Variants in NTRK2 observed in about 807,000 individuals in gnomAD.
NTRK2 encodes the protein BDNF/NT-3 growth factors receptor.
Under a neutral mutation model 94.5 loss-of-function variants are expected in NTRK2, and 13 were observed. The observed-to-expected ratio is 0.14, with a 90% CI of 0.09 to 0.22. The LOEUF (loss-of-function observed/expected upper bound fraction) is 0.22, where lower values mean the gene tolerates loss of function less well. NTRK2 is among the 10% of genes least tolerant of loss of function. The probability of loss-of-function intolerance (pLI) is 1.00; values close to 1 mark genes in which losing one functional copy is unlikely to be tolerated. For synonymous variants in NTRK2, 372 were observed against 407.4 expected, an observed-to-expected ratio of 0.91 and a Z score of 1.05; for missense variants, 639 against 1,071.2, an observed-to-expected ratio of 0.60 and a Z score of 5.63.
At chr9:85,015,162 A>G (rs988104987) in intron 17 of NTRK2, among the ~76,000 whole-genome samples, 1 of 152,196 alleles carries the variant, frequency 6.6e-6, no homozygotes, top group Non-Finnish European at 1.5e-5. Flanking sequence ...TATCTTTAGA[A>G]AAATACTCCC....
At chr9:84,708,662 T>C (rs2061252903) in intron 5 of NTRK2, among the ~76,000 whole-genome samples, 1 of 152,180 alleles carries the variant, frequency 6.6e-6, no homozygotes, top group Admixed American at 6.5e-5. Flanking sequence ...CCTTTGAAGA[T>C]TAGGCAATGG....
chr9:84,902,013 G>A (rs753502835), intron 14 of NTRK2, among the ~76,000 whole-genome samples: 11 of 151,978 alleles, frequency 7.2e-5, no homozygotes, highest in Non-Finnish European at 1.3e-4. Context: ...GGCCAACATG[G>A]TGAAACCCTG....
intron 12 of NTRK2, chr9:84,813,499 T>G: frequency 9.4e-7 from 1 of 1,065,344 alleles, no homozygotes; most frequent in African/African-American, 1.6e-5. Flanking sequence ...AAATTCACTT[T>G]TCTTTCTTCC....
At chr9:84,814,116 A>G (rs1393767226) in intron 12 of NTRK2, 1 of 1,065,330 alleles carries the variant, frequency 9.4e-7, no homozygotes, top group African/African-American at 1.6e-5. Context: ...TTCATTTCTG[A>G]CCCACTAGGT....
rs996514410 is a variant in NTRK2 at position 85,024,256 on chromosome 9, A to G, written c.*2819A>G. The G allele has an allele frequency of 4.3e-6, 1 of 232,720 alleles. No homozygotes were observed. The highest frequency in any genetic ancestry group is 8.5e-6 in the Non-Finnish European group (1 of 117,814). 14.4% of individuals were successfully genotyped at this position (232,720 alleles called of 1,614,324 possible). A position where few individuals can be genotyped will look rare whatever the true frequency, so the allele number is the denominator to read the frequency against. On this transcript the variant is annotated 3_prime_UTR_variant, in exon 19 of 19. Coordinates refer to ENST00000277120, the MANE Select transcript of NTRK2 (RefSeq NM_006180.6). ...TGAAATTATTCATTGTTGTTCCTCCACCACCCCCTTTCTCATGGTCTGATT... is the reference window on the plus strand; with the variant it reads ...TGAAATTATTCATTGTTGTTCCTCCGCCACCCCCTTTCTCATGGTCTGATT...
chr9:84,776,996 T>C (rs2067112215), intron 12 of NTRK2, among the ~76,000 whole-genome samples: 3 of 152,202 alleles, frequency 2.0e-5, no homozygotes, highest in Admixed American at 1.3e-4. Flanking sequence ...TATTAGAACA[T>C]CTTTATCATT....
chr9:84,990,208 AGTTT>A (rs1828883260), intron 17 of NTRK2, among the ~76,000 whole-genome samples: 1 of 152,186 alleles, frequency 6.6e-6, no homozygotes, highest in Non-Finnish European at 1.5e-5. Context: ...CATCTAGCAG[AGTTT>A]GTTCAATAAA....
chr9:84,747,017 C>T (rs1220439334), intron 11 of NTRK2, among the ~76,000 whole-genome samples: 5 of 152,180 alleles, frequency 3.3e-5, no homozygotes, highest in Admixed American at 3.3e-4. Context: ...TGCAGACTGG[C>T]TAGACTTGCA....
At chr9:84,895,874 C>T (rs996122992) in intron 14 of NTRK2, among the ~76,000 whole-genome samples, 8 of 152,210 alleles carry the variant, frequency 5.3e-5, no homozygotes, top group Non-Finnish European at 1.2e-4. Context: ...GCTCCGAGAC[C>T]TTTAACTCAT....
intron 6 of NTRK2, among the ~76,000 whole-genome samples, chr9:84,713,233 T>C (rs1332423703): frequency 2.0e-5 from 3 of 152,192 alleles, no homozygotes; most frequent in Non-Finnish European, 4.4e-5. Flanking sequence ...TCTATTTTTC[T>C]GTAGGGTTTT....
chr9:84,702,764 A>G (rs1178069131), intron 4 of NTRK2, among the ~76,000 whole-genome samples: 3 of 152,228 alleles, frequency 2.0e-5, no homozygotes, highest in Non-Finnish European at 4.4e-5. Context: ...AAGACATCAA[A>G]CTAGTGGAAT....
chr9:84,769,570 TCA>T lies in NTRK2; in HGVS notation c.1396+17486_1396+17487del, dbSNP rs1297214654. ...CAATTCAAACAGCATCCCAGAAATCTCAGAGTGGTGTTGTTGGTTAAATGAAT... is the reference window on the plus strand; with the variant it reads ...CAATTCAAACAGCATCCCAGAAATCTGAGTGGTGTTGTTGGTTAAATGAAT... On this transcript the variant is annotated intron_variant, in intron 12 of 18. Coordinates refer to ENST00000277120, the MANE Select transcript of NTRK2 (RefSeq NM_006180.6). Among the ~76,000 whole-genome samples, 7 of 152,286 alleles carry T rather than the reference TCA, an allele frequency of 4.6e-5. No individual in the cohort carries two copies. The East Asian group carries it at 1.2e-3, about 25-fold the overall frequency.
chr9:84,794,862 A>G (rs535034018), intron 12 of NTRK2, among the ~76,000 whole-genome samples: 1 of 152,286 alleles, frequency 6.6e-6, no homozygotes, highest in South Asian at 2.1e-4. Context: ...CCACCTCTCT[A>G]TATTTGGTAA....
chr9:84,845,514 G>T (rs961489796), intron 12 of NTRK2, among the ~76,000 whole-genome samples: 1 of 152,118 alleles, frequency 6.6e-6, no homozygotes, highest in Non-Finnish European at 1.5e-5. Flanking sequence ...TAATTGTGTA[G>T]ATTCAAGCTT....
Position 84,814,119 on chromosome 9 carries a change from C to A in NTRK2, c.1397-46921C>A, listed in dbSNP as rs1203265356. On this transcript the variant is annotated intron_variant, in intron 12 of 18. Coordinates refer to ENST00000277120, the MANE Select transcript of NTRK2 (RefSeq NM_006180.6). ...GCAGGGACTGATTTCATTTCTGACCCACTAGGTTTTCTTTCCAGAAATAGG... is the reference window on the plus strand; with the variant it reads ...GCAGGGACTGATTTCATTTCTGACCAACTAGGTTTTCTTTCCAGAAATAGG... 2.8e-6 allele frequency: 3 copies of A among 1,065,278 alleles called. No homozygotes were observed. In the East Asian group the frequency reaches 1.5e-4, roughly 53 times the overall value. The allele number at this position is 1,065,278 out of a possible 1,614,324, so 66.0% of individuals were successfully genotyped here.
At chr9:84,899,306 A>G (rs1398219026) in intron 14 of NTRK2, among the ~76,000 whole-genome samples, 2 of 152,262 alleles carry the variant, frequency 1.3e-5, no homozygotes, top group Non-Finnish European at 2.9e-5. Context: ...ACACCCCATC[A>G]AAAGTTAAAT....
intron 14 of NTRK2, among the ~76,000 whole-genome samples, chr9:84,882,988 A>C (rs1460168208): frequency 2.0e-5 from 3 of 152,004 alleles, no homozygotes; most frequent in African/African-American, 7.3e-5. Flanking sequence ...GCTGGTCTTG[A>C]ACTCCTAACC....
chr9:84,870,331 G>GTGTGTGTATATATATATATATATATATA (rs1349303529), intron 14 of NTRK2, among the ~76,000 whole-genome samples: 3 of 31,176 alleles, frequency 9.6e-5, no homozygotes, highest in Non-Finnish European at 1.4e-4. Flanking sequence ...GTGTGTGTGT[G>GTGTGTGTATATATATATATATATATATA]TATATATATA....
At chr9:84,961,658 A>G (rs1014732622) in intron 17 of NTRK2, among the ~76,000 whole-genome samples, 7 of 152,180 alleles carry the variant, frequency 4.6e-5, no homozygotes, top group Non-Finnish European at 1.0e-4. Flanking sequence ...ACTATGTGCT[A>G]GATGCAATGG....
Sources: gnomAD v4.1 joint callset for allele counts (sites outside exome capture counted in the v4.1 genomes callset) on GRCh38, gnomAD v4.1.1 for gene constraint, MANE v1.5 for transcripts, NCBI Gene and HGNC (gene_info 2026-07-23, HGNC 2026-07-21) for gene names.